SMAP1: variants seen among roughly 807,000 people sequenced by gnomAD.
SMAP1 encodes the protein small ArfGAP 1, also known as stromal membrane-associated protein 1.
Under a neutral mutation model 58.5 loss-of-function variants are expected in SMAP1, and 24 were observed. That is an observed-to-expected ratio of 0.41 (90% CI 0.30 to 0.58). The LOEUF is 0.58. SMAP1 is among the 20% of genes least tolerant of loss of function. SMAP1 has a pLI of 0.29. For synonymous variants in SMAP1, 216 were observed against 196.6 expected (o/e 1.10, Z -0.82); for missense variants, 563 against 566.3 (o/e 0.99, Z 0.06).
chr6:70,858,017 C>T lies in SMAP1; in HGVS notation c.1057C>T (p.Pro353Ser), dbSNP rs756406717. ...PSMGVPVPAA[P>S]GLIGNVMGQS... ...GATGGGCGTGCCTGTGCCTGCAGCT[C>T]CTGGCCTTATAGGAAATGTGATGGG... The change falls in exon 10 of 11, where the codon CCT (proline) becomes TCT (serine). Residue 353 changes from proline (P) to serine (S), a missense_variant. Physicochemically the swap from Pro to Ser is moderately conservative, Grantham distance 74. This residue lies in a region of SMAP1 where 494 missense variants were observed against 473.8 expected (regional missense o/e 1.04). Coordinates refer to ENST00000370455, the MANE Select transcript of SMAP1 (RefSeq NM_001044305.3). 1.9e-6 allele frequency: 3 copies of T among 1,614,118 alleles called. No homozygotes were observed. The highest frequency in any genetic ancestry group is 2.2e-5 in the East Asian group (1 of 44,868).
Position 70,798,667 on chromosome 6 carries a change from A to G in SMAP1, c.506A>G (p.Glu169Gly), listed in dbSNP as rs1286526220. The part of the protein sequence containing the change: ...VDKNKLEKEK[E>G]KKKEEKKREK... ...TGGGCTGTGTTTTAGAAAGAAAAGG[A>G]AAAAAAAAAGGAAGAGAAAAAGAGA... Residue 169 changes from glutamate (E) to glycine (G), a missense_variant, in exon 6 of 11, where the codon GAA becomes GGA. Around this residue, in one of 3 missense-constraint regions of SMAP1, gnomAD observed 494 missense variants for 473.8 expected, o/e 1.04. Coordinates refer to ENST00000370455, the MANE Select transcript of SMAP1 (RefSeq NM_001044305.3). 1.5e-6 allele frequency: 2 copies of G among 1,355,186 alleles called. No individual in the cohort carries two copies. The highest frequency in any genetic ancestry group is 1.5e-5 in the African/African-American group (1 of 66,620). 83.9% of individuals were successfully genotyped at this position (1,355,186 alleles called of 1,614,324 possible). A position where few individuals can be genotyped will look rare whatever the true frequency, so the allele number is the denominator to read the frequency against.
At chr6:70,674,188 C>G (rs1040128785) in intron 1 of SMAP1, among the ~76,000 whole-genome samples, 3 of 151,670 alleles carry the variant, frequency 2.0e-5, no homozygotes, top group East Asian at 1.9e-4. Flanking sequence ...TGTAGGCTCT[C>G]TGCAACCTCT....
rs879024739 is a variant in SMAP1, at chr6:70,858,332, C to T, written c.1269+103C>T. ...TTTTTTTTTAAGTCTAGTGATCTGGCAGAAAGAATTCAATAGGGATAATAT... is the reference window on the plus strand; with the variant it reads ...TTTTTTTTTAAGTCTAGTGATCTGGTAGAAAGAATTCAATAGGGATAATAT... On this transcript the variant is annotated intron_variant, in intron 10 of 10. Coordinates refer to ENST00000370455, the MANE Select transcript of SMAP1 (RefSeq NM_001044305.3). 7.3e-5 allele frequency: 76 copies of T among 1,034,514 alleles called. 1 individual carries two copies. In the South Asian group the frequency reaches 1.4e-3, roughly 19 times the overall value. 64.1% of individuals were successfully genotyped at this position (1,034,514 alleles called of 1,614,324 possible).
intron 1 of SMAP1, among the ~76,000 whole-genome samples, chr6:70,724,646 C>G (rs1768685675): frequency 6.6e-6 from 1 of 152,146 alleles, no homozygotes; most frequent in South Asian, 2.1e-4. Context: ...CTTCTAAACT[C>G]TTTTGAAGTT....
At chr6:70,776,624 T>G (rs915881101) in intron 4 of SMAP1, among the ~76,000 whole-genome samples, 36 of 152,224 alleles carry the variant, frequency 2.4e-4, no homozygotes, top group African/African-American at 7.7e-4. Flanking sequence ...CTGTCACATC[T>G]GTTAAAAATT....
At chr6:70,767,892 A>T (rs1767071650) in intron 3 of SMAP1, among the ~76,000 whole-genome samples, 1 of 143,194 alleles carries the variant, frequency 7.0e-6, no homozygotes, top group Non-Finnish European at 1.5e-5. Flanking sequence ...TGGGTTTGTC[A>T]TAGATAGCTG....
chr6:70,759,967 A>G (rs1039545317), intron 3 of SMAP1: 2 of 364,042 alleles, frequency 5.5e-6, no homozygotes, highest in Non-Finnish European at 1.1e-5. Context: ...ATAGAGCATA[A>G]TATTTTCTTT....
chr6:70,692,344 T>A (rs562879398), intron 1 of SMAP1, among the ~76,000 whole-genome samples: 21 of 152,240 alleles, frequency 1.4e-4, no homozygotes, highest in Non-Finnish European at 2.6e-4. Flanking sequence ...TAATCCCTTG[T>A]CAGATGGAGA....
At chr6:70,701,067 T>C (rs1453776638) in intron 1 of SMAP1, among the ~76,000 whole-genome samples, 4 of 152,258 alleles carry the variant, frequency 2.6e-5, no homozygotes, top group Non-Finnish European at 4.4e-5. Context: ...GGAAGGAGTC[T>C]CTCCTAGAGC....
chr6:70,804,412 A>T (rs891015286), intron 6 of SMAP1, among the ~76,000 whole-genome samples: 1 of 151,662 alleles, frequency 6.6e-6, no homozygotes, highest in African/African-American at 2.4e-5. Context: ...GGTCTCCTGA[A>T]TACAGCACGC....
chr6:70,703,068 T>C (rs1376416899), intron 1 of SMAP1, among the ~76,000 whole-genome samples: 1 of 152,046 alleles, frequency 6.6e-6, no homozygotes, highest in African/African-American at 2.4e-5. Context: ...ATAGATTATG[T>C]TTTCCTTTTT....
At chr6:70,808,003 AAGT>A (rs1221813554) in intron 6 of SMAP1, among the ~76,000 whole-genome samples, 2 of 151,610 alleles carry the variant, frequency 1.3e-5, no homozygotes, top group Non-Finnish European at 2.9e-5. Context: ...TATATTCTTA[AAGT>A]AAGCTAGAGA....
intron 2 of SMAP1, among the ~76,000 whole-genome samples, chr6:70,750,647 A>G (rs1214129875): frequency 6.6e-6 from 1 of 152,208 alleles, no homozygotes; most frequent in African/African-American, 2.4e-5. Flanking sequence ...ATTGACTTCC[A>G]AGTGATGTGA....
chr6:70,697,838 T>G (rs1428064161), intron 1 of SMAP1, among the ~76,000 whole-genome samples: 2 of 152,198 alleles, frequency 1.3e-5, no homozygotes, highest in Non-Finnish European at 2.9e-5. Context: ...TTCTTAACTT[T>G]TGGTTATTTC....
chr6:70,742,977 G>A (rs552925264), intron 2 of SMAP1, among the ~76,000 whole-genome samples: 1 of 152,280 alleles, frequency 6.6e-6, no homozygotes, highest in Admixed American at 6.5e-5. Flanking sequence ...CTCCAACTGG[G>A]TCTCTCCCAC....
intron 6 of SMAP1, among the ~76,000 whole-genome samples, chr6:70,833,877 A>ATTTCTCTTATTCTCGCCTTAGTGTTTC (rs1457307940): frequency 6.6e-6 from 1 of 152,114 alleles, no homozygotes; most frequent in Non-Finnish European, 1.5e-5. Flanking sequence ...ACTGTTTAGG[A>ATTTCTCTTATTCTCGCCTTAGTGTTTC]TTTCTCTTAT....
intron 1 of SMAP1, among the ~76,000 whole-genome samples, chr6:70,692,221 A>G (rs189738272): frequency 1.2e-4 from 18 of 152,206 alleles, no homozygotes; most frequent in Admixed American, 1.1e-3. Flanking sequence ...CCTGTTTGCC[A>G]TTTGTATGTC....
At chr6:70,789,541 G>A (rs1768246650) in intron 4 of SMAP1, among the ~76,000 whole-genome samples, 1 of 144,054 alleles carries the variant, frequency 6.9e-6, no homozygotes, top group African/African-American at 2.5e-5. Flanking sequence ...TCTTAAGTTT[G>A]TTTTCTTTCC....
In SMAP1 at chr6:70,739,753, T is replaced by C. The variant is rs576500629; in HGVS notation, c.252+7242T>C. ...TTACCTAATGGCAATATTTATCATT[T>C]GCTTTTGGATCCTTTTTGTTACTTT... On this transcript the variant is annotated intron_variant, in intron 2 of 10. Transcript: ENST00000370455. Among the ~76,000 whole-genome samples, 3 of 152,262 alleles carry C rather than the reference T, an allele frequency of 2.0e-5. No individual in the cohort carries two copies. The East Asian group carries it at 5.8e-4, about 29-fold the overall frequency.
Sources: gnomAD v4.1 joint callset for allele counts (sites outside exome capture counted in the v4.1 genomes callset) on GRCh38, gnomAD v4.1.1 for gene constraint, gnomAD v4.1.1 regional missense constraint, MANE v1.5 for transcripts, NCBI Gene and HGNC (gene_info 2026-07-23, HGNC 2026-07-21) for gene names.